CSNK2A1: variants seen among roughly 807,000 people sequenced by gnomAD.
The protein encoded by CSNK2A1 is casein kinase 2 alpha 1, also known as casein kinase II subunit alpha.
CSNK2A1 carries 10 observed loss-of-function variants against 62.9 expected under a neutral mutation model. The ratio of observed to expected loss-of-function variants is 0.16; its 90% CI spans 0.10 to 0.27. CSNK2A1 has a LOEUF of 0.27. CSNK2A1 is among the 10% of genes least tolerant of loss of function. The pLI is 1.00. For missense variants in CSNK2A1, 160 were observed against 492.0 expected (o/e 0.33, Z 6.38); for synonymous variants, 124 against 167.8 (o/e 0.74, Z 2.02).
chr20:498,096 C>G (rs907632765), intron 6 of CSNK2A1: 3 of 240,574 alleles, frequency 1.2e-5, no homozygotes, highest in African/African-American at 6.9e-5. Context: ...ATCTTCAGAC[C>G]TTCTCAAAAG....
At chr20:539,578 AATCTACCTAAG>A (rs2019405512) in intron 1 of CSNK2A1, 1 of 152,198 alleles carries the variant, frequency 6.6e-6, no homozygotes, top group African/African-American at 2.4e-5. Context: ...AATCCAAGAT[AATCTACCTAAG>A]ATCCTTAACT....
At chr20:495,976 G>A (rs2018339411) in intron 7 of CSNK2A1, 174 bp from the exon 8 acceptor site, 4 of 568,362 alleles carry the variant, frequency 7.0e-6, no homozygotes, top group South Asian at 4.2e-5. Context: ...TCACAGTCAA[G>A]CAAACTCAGC....
intron 2 of CSNK2A1, among the ~76,000 whole-genome samples, chr20:509,342 G>C (rs991947997): frequency 2.0e-5 from 3 of 152,172 alleles, no homozygotes. Context: ...CAGTAATACA[G>C]ATTAGCTGAG....
chr20:498,998 T>C (rs994683409), intron 6 of CSNK2A1: 24 of 255,326 alleles, frequency 9.4e-5, no homozygotes, highest in Non-Finnish European at 1.7e-4. Context: ...AGGTTGGACA[T>C]CAGCAGAAAC....
chr20:495,397 C>T (rs1310948895), intron 8 of CSNK2A1: 4 of 310,698 alleles, frequency 1.3e-5, no homozygotes, highest in Non-Finnish European at 2.5e-5. Context: ...ACACTGTACA[C>T]GTAAGAAAAA....
chr20:486,282 G>A (rs757088337), intron 13 of CSNK2A1, 94 bp downstream of exon 13: 192 of 1,438,662 alleles, frequency 1.3e-4, no homozygotes, highest in Non-Finnish European at 1.7e-4. Flanking sequence ...CCACCAGTAC[G>A]GAGAAGAGAA....
intron 2 of CSNK2A1, among the ~76,000 whole-genome samples, chr20:523,440 T>A (rs1048928610): frequency 8.5e-5 from 13 of 152,146 alleles, no homozygotes; most frequent in Non-Finnish European, 1.6e-4. Context: ...CTATAGTCTA[T>A]CCATAAATGG....
rs2017820586 is a variant in CSNK2A1, at chr20:475,084, T to C, written c.*8877A>G. 6.6e-6 allele frequency: 1 copy of C among 152,218 alleles called. No individual in the cohort carries two copies. Among genetic ancestry groups the C allele is most frequent in the Non-Finnish European group, 1.5e-5 (1 of 68,008 alleles). The allele number at this position is 152,218 out of a possible 1,614,324, so 9.4% of individuals were successfully genotyped here. A position where few individuals can be genotyped will look rare whatever the true frequency, so the allele number is the denominator to read the frequency against. On this transcript the variant is annotated 3_prime_UTR_variant, in exon 14 of 14. Coordinates refer to ENST00000217244, the MANE Select transcript of CSNK2A1 (RefSeq NM_177559.3). ...ACCGAGGACCCCCAGAAGCACCCTG[T>C]GTATAGTGGAATGTTGTGTTGTTTC... is the stretch of plus-strand genomic sequence containing the variant.
At chr20:527,449 T>C (rs1257729014) in intron 2 of CSNK2A1, among the ~76,000 whole-genome samples, 1 of 152,242 alleles carries the variant, frequency 6.6e-6, no homozygotes, top group Non-Finnish European at 1.5e-5. Flanking sequence ...TCCAGGTCTC[T>C]GTGCTTTTAT....
At position 479,500 on chromosome 20, in the gene CSNK2A1, G is replaced by T. The variant is rs2017913129; in HGVS notation, c.*4461C>A. On this transcript the variant is annotated 3_prime_UTR_variant, in exon 14 of 14. Transcript: ENST00000217244. ...GTGTTACAGCTTTCTTTATAATTTG[G>T]TACATGCCTAAAATGTTTTACAATA... The T allele has an allele frequency of 6.6e-6, 1 of 152,164 alleles. No individual in the cohort carries two copies. Among genetic ancestry groups the T allele is most frequent in the Non-Finnish European group, 1.5e-5 (1 of 68,032 alleles). 9.4% of individuals were successfully genotyped at this position (152,164 alleles called of 1,614,324 possible).
chr20:513,079 C>T (rs2018757963), intron 2 of CSNK2A1, among the ~76,000 whole-genome samples: 1 of 152,180 alleles, frequency 6.6e-6, no homozygotes, highest in African/African-American at 2.4e-5. Context: ...GCAGCATGAA[C>T]CCAACAGAAA....
intron 1 of CSNK2A1, among the ~76,000 whole-genome samples, chr20:532,330 A>ATTTTTTTTTT (rs138287291): frequency 7.4e-5 from 9 of 122,002 alleles, no homozygotes; most frequent in African/African-American, 2.3e-4. Context: ...TGCCCGGCTA[A>ATTTTTTTTTT]TTTTTTTTTT....
At chr20:511,389 T>C (rs947317725) in intron 2 of CSNK2A1, among the ~76,000 whole-genome samples, 5 of 152,166 alleles carry the variant, frequency 3.3e-5, no homozygotes, top group Non-Finnish European at 7.3e-5. Context: ...TAAAGCTCAG[T>C]TGCATTAAGT....
chr20:534,290 T>G (rs1473829239), intron 1 of CSNK2A1, among the ~76,000 whole-genome samples: 1 of 152,346 alleles, frequency 6.6e-6, no homozygotes, highest in South Asian at 2.1e-4. Flanking sequence ...ACTGATTTAT[T>G]AACAGCCTAT....
chr20:493,676 G>A (rs1403568061), intron 8 of CSNK2A1, among the ~76,000 whole-genome samples: 1 of 152,170 alleles, frequency 6.6e-6, no homozygotes, highest in Non-Finnish European at 1.5e-5. Flanking sequence ...ATGTGTTTGT[G>A]TGTGTGTTTC....
At chr20:486,934 G>A (rs1411387783) in intron 12 of CSNK2A1, 3 of 187,618 alleles carry the variant, frequency 1.6e-5, no homozygotes, top group South Asian at 1.2e-4. Flanking sequence ...AAATGATTCA[G>A]TACAAAACCA....
In CSNK2A1 at chr20:487,234, C is replaced by G. The variant is rs1361004423; in HGVS notation, c.973+193G>C. The G allele has an allele frequency of 5.6e-6, 4 of 709,206 alleles. No individual in the cohort carries two copies. The Admixed American group carries it at 1.2e-4, about 21-fold the overall frequency. 43.9% of individuals were successfully genotyped at this position (709,206 alleles called of 1,614,324 possible). A position where few individuals can be genotyped will look rare whatever the true frequency, so the allele number is the denominator to read the frequency against. On this transcript the variant is annotated intron_variant, in intron 12 of 13. Transcript: ENST00000217244. Reference sequence around the variant, plus strand: ...AGTTTATTTAGGAATGCTCTTGTGTCATGTATTCTGTTACAGAAGAATTCT... The same window carrying G: ...AGTTTATTTAGGAATGCTCTTGTGTGATGTATTCTGTTACAGAAGAATTCT...
At chr20:527,423 T>C (rs1255228181) in intron 2 of CSNK2A1, among the ~76,000 whole-genome samples, 1 of 152,232 alleles carries the variant, frequency 6.6e-6, no homozygotes, top group Admixed American at 6.5e-5. Flanking sequence ...CTGACTGAAC[T>C]TGCTTCCCAC....
Position 488,051 on chromosome 20 carries a change from T to C in CSNK2A1, c.825-476A>G, listed in dbSNP as rs566310209. ...TGTCTGCATATAGCCTTTTTTTTTT[T>C]TTTTTTGGAGACAGGGTCTCACTCT... On this transcript the variant is annotated intron_variant, in intron 11 of 13. Transcript: ENST00000217244. 42 of 171,856 alleles carry C rather than the reference T, an allele frequency of 2.4e-4. 1 individual carries two copies. The highest frequency in any genetic ancestry group is 1.9e-3 in the Admixed American group (33 of 17,482). The allele number at this position is 171,856 out of a possible 1,614,324, so 10.6% of individuals were successfully genotyped here. A position where few individuals can be genotyped will look rare whatever the true frequency, so the allele number is the denominator to read the frequency against.
Sources: allele counts gnomAD v4.1 joint callset (sites outside exome capture counted in the v4.1 genomes callset), GRCh38; gene constraint gnomAD v4.1.1; transcripts MANE v1.5; gene names NCBI Gene and HGNC (gene_info 2026-07-23, HGNC 2026-07-21).